EPB41L4A: variants seen among roughly 807,000 people sequenced by gnomAD.
The protein encoded by EPB41L4A is erythrocyte membrane protein band 4.1 like 4A.
In EPB41L4A, 100 loss-of-function variants were observed where a neutral mutation model predicts 108.6. That is an observed-to-expected ratio of 0.92 (90% confidence interval 0.78 to 1.09). The LOEUF is 1.09. EPB41L4A is among the 50% of genes least tolerant of loss of function. The pLI, the probability that EPB41L4A is intolerant of heterozygous loss-of-function variation, is 0.00. For missense variants in EPB41L4A, 1,030 were observed against 842.7 expected (o/e 1.22, Z -2.75); for synonymous variants, 319 against 289.0 (o/e 1.10, Z -1.05).
At chr5:112,248,739 C>T (rs770851420) in intron 9 of EPB41L4A, among the ~76,000 whole-genome samples, 2 of 152,252 alleles carry the variant, frequency 1.3e-5, no homozygotes, top group Admixed American at 6.5e-5. Flanking sequence ...AATCTACTTT[C>T]GCCTAGCTTC....
Position 112,214,486 on chromosome 5 carries a change from G to A in EPB41L4A, c.1088-4504C>T, listed in dbSNP as rs149591368. Among the ~76,000 whole-genome samples, 193 of 151,532 alleles carry A rather than the reference G, an allele frequency of 1.3e-3. 3 individuals carry two copies. The highest frequency in any genetic ancestry group is 4.2e-3 in the South Asian group (20 of 4,752). ...AAGAATTAAAACACAGAGGGCAGCCGGGCGCGGCGGCTCACGCCTGTAATC... is the reference window on the plus strand; with the variant it reads ...AAGAATTAAAACACAGAGGGCAGCCAGGCGCGGCGGCTCACGCCTGTAATC... On this transcript the variant is annotated intron_variant, in intron 12 of 22. Transcript: ENST00000261486.
At chr5:112,214,599 T>C (rs1342166869) in intron 12 of EPB41L4A, among the ~76,000 whole-genome samples, 1 of 151,994 alleles carries the variant, frequency 6.6e-6, no homozygotes, top group Non-Finnish European at 1.5e-5. Flanking sequence ...CCATCTCTAC[T>C]AAAAATACAA....
At chr5:112,286,111 G>C (rs527481884) in intron 2 of EPB41L4A, among the ~76,000 whole-genome samples, 415 of 151,952 alleles carry the variant, frequency 2.7e-3, no homozygotes, top group Admixed American at 3.8e-3. Flanking sequence ...ACTCCACCAA[G>C]ACACCCAATT....
intron 2 of EPB41L4A, among the ~76,000 whole-genome samples, chr5:112,293,259 G>A (rs767195170): frequency 2.7e-5 from 4 of 150,568 alleles, no homozygotes; most frequent in African/African-American, 9.8e-5. Flanking sequence ...GTACAGGTTT[G>A]TTATACAGGT....
intron 20 of EPB41L4A, chr5:112,170,055 T>A: frequency 4.5e-6 from 2 of 443,788 alleles, no homozygotes; most frequent in Non-Finnish European, 3.9e-6. Context: ...AAACTGACAT[T>A]AATCAGGAAA....
chr5:112,372,216 C>G (rs1759538579), intron 1 of EPB41L4A, among the ~76,000 whole-genome samples: 1 of 152,148 alleles, frequency 6.6e-6, no homozygotes, highest in South Asian at 2.1e-4. Context: ...ACAATCATGG[C>G]AGAAGGCATC....
chr5:112,245,849 G>T lies in EPB41L4A; in HGVS notation c.796-5039C>A, dbSNP rs79775971. Among the ~76,000 whole-genome samples the T allele has an allele frequency of 6.3e-3, 965 of 152,254 alleles. 12 individuals carry two copies. Among genetic ancestry groups the T allele is most frequent in the African/African-American group, 0.023 (937 of 41,522 alleles). ...CGCTCCTGAAGGTGGAGTGAGAGAG[G>T]TCCAAACATACCAGAAAAGAGTGTC... is the stretch of plus-strand genomic sequence containing the variant. On this transcript the variant is annotated intron_variant, in intron 9 of 22. Coordinates refer to ENST00000261486, the MANE Select transcript of EPB41L4A (RefSeq NM_022140.5).
chr5:112,288,963 T>C (rs1280771067), intron 2 of EPB41L4A, among the ~76,000 whole-genome samples: 1 of 152,080 alleles, frequency 6.6e-6, no homozygotes, highest in Non-Finnish European at 1.5e-5. Context: ...ATAAGAATAT[T>C]GGGAGGCCTT....
chr5:112,333,717 T>C (rs886551829), intron 1 of EPB41L4A, among the ~76,000 whole-genome samples: 2 of 152,190 alleles, frequency 1.3e-5, no homozygotes, highest in East Asian at 3.8e-4. Context: ...CCAAGACACA[T>C]GTCACCAGTT....
At chr5:112,313,125 A>T (rs987360426) in intron 1 of EPB41L4A, among the ~76,000 whole-genome samples, 5 of 152,246 alleles carry the variant, frequency 3.3e-5, no homozygotes, top group African/African-American at 1.2e-4. Context: ...GAGGATGATT[A>T]TCTTTCAGAA....
At chr5:112,404,920 G>A (rs1470051719) in intron 1 of EPB41L4A, among the ~76,000 whole-genome samples, 2 of 152,064 alleles carry the variant, frequency 1.3e-5, no homozygotes, top group Non-Finnish European at 2.9e-5. Context: ...ATCCTCACAA[G>A]GCCTCACTTT....
intron 12 of EPB41L4A, among the ~76,000 whole-genome samples, chr5:112,211,925 AG>A (rs1318670110): frequency 6.6e-6 from 1 of 152,224 alleles, no homozygotes; most frequent in African/African-American, 2.4e-5. Flanking sequence ...GTGGCACAAA[AG>A]GTAAGCTCAT....
At chr5:112,368,125 C>A (rs971599732) in intron 1 of EPB41L4A, among the ~76,000 whole-genome samples, 1 of 152,152 alleles carries the variant, frequency 6.6e-6, no homozygotes, top group South Asian at 2.1e-4. Context: ...CACATTTTCT[C>A]GTAGCTTTTA....
At chr5:112,146,348 C>T (rs572613530) in intron 12 of EPB41L4A, among the ~76,000 whole-genome samples, 1 of 152,278 alleles carries the variant, frequency 6.6e-6, no homozygotes, top group Non-Finnish European at 1.5e-5. Flanking sequence ...GTGGCTAAAA[C>T]CAAATACTAA....
intron 2 of EPB41L4A, among the ~76,000 whole-genome samples, chr5:112,299,389 G>A (rs1754211315): frequency 6.6e-6 from 1 of 152,116 alleles, no homozygotes; most frequent in Non-Finnish European, 1.5e-5. Context: ...TATGGTCTGA[G>A]AGAGTACTTG....
Position 112,259,444 on chromosome 5 carries a change from A to G in EPB41L4A, c.732-152T>C, listed in dbSNP as rs1330777474. On this transcript the variant is annotated intron_variant, in intron 8 of 22. Coordinates refer to ENST00000261486, the MANE Select transcript of EPB41L4A (RefSeq NM_022140.5). ...CATACAGCGACAGAGAGATTTCCCC[A>G]TACACTCTAATGAAAACTCCATTCT... is the stretch of plus-strand genomic sequence containing the variant. 2.2e-5 allele frequency: 14 copies of G among 645,990 alleles called. 1 individual carries two copies. The East Asian group carries it at 3.7e-4, about 17-fold the overall frequency. The allele number at this position is 645,990 out of a possible 1,614,324, so 40.0% of individuals were successfully genotyped here.
At chr5:112,209,352 G>GTAAT (rs1012084878) in intron 13 of EPB41L4A, among the ~76,000 whole-genome samples, 1 of 152,240 alleles carries the variant, frequency 6.6e-6, no homozygotes, top group African/African-American at 2.4e-5. Flanking sequence ...AACAATCCAT[G>GTAAT]TAATATATTA....
At chr5:112,302,344 A>G (rs1379227357) in intron 2 of EPB41L4A, among the ~76,000 whole-genome samples, 1 of 152,176 alleles carries the variant, frequency 6.6e-6, no homozygotes, top group African/African-American at 2.4e-5. Context: ...CATCTCTAAA[A>G]GAAAAAAAAA....
chr5:112,263,015 A>T (rs79754678), intron 6 of EPB41L4A, among the ~76,000 whole-genome samples: 10,490 of 152,248 alleles, frequency 0.069, 398 homozygotes, highest in African/African-American at 0.1. Context: ...GCCACCACCC[A>T]ACTGGGATCA....
Sources: gnomAD v4.1 joint callset for allele counts (sites outside exome capture counted in the v4.1 genomes callset) on GRCh38, gnomAD v4.1.1 for gene constraint, MANE v1.5 for transcripts, NCBI Gene and HGNC (gene_info 2026-07-23, HGNC 2026-07-21) for gene names.